Variants in PLEC observed in about 807,000 individuals in gnomAD.
The protein encoded by PLEC is hemidesmosomal protein 1.
PLEC carries 216 observed loss-of-function variants against 392.8 expected under a neutral mutation model. That is an observed-to-expected ratio of 0.55 (90% CI 0.49 to 0.62). The LOEUF is 0.62. PLEC is among the 20% of genes least tolerant of loss of function. The pLI, the probability that PLEC is intolerant of heterozygous loss-of-function variation, is 0.00. For synonymous variants in PLEC, 3,621 were observed against 2,980.6 expected, an observed-to-expected ratio of 1.21 and a Z score of -7.00; for missense variants, 6,863 against 6,563.4, an observed-to-expected ratio of 1.05 and a Z score of -1.58.
intron 1 of PLEC, among the ~76,000 whole-genome samples, chr8:143,959,436 T>TA (rs1832760127): frequency 6.6e-6 from 1 of 152,242 alleles, no homozygotes; most frequent in Non-Finnish European, 1.5e-5. Flanking sequence ...GGCTCCAGGA[T>TA]GGCTCCAGGA....
rs183111586 is a variant in PLEC, at chr8:143,939,404, T to C, written c.58A>G (p.Ser20Gly). 776 of 1,612,790 alleles carry C rather than the reference T, an allele frequency of 4.8e-4. 10 individuals carry two copies. The African/African-American group carries it at 9.6e-3, about 20-fold the overall frequency. The part of the protein sequence containing the change: ...QPEGLGRKRT[S>G]SEDNLYLAVL... ...GCCAGGTACAGGTTGTCCTCCGAGC[T>C]GGTTCTCTTTCGGCCCAGGCCCTCG... Residue 20 changes from serine to glycine, a missense_variant, in exon 1 of 32, where the codon AGC becomes GGC. Transcript: ENST00000345136.
upstream of PLEC, chr8:143,953,936 G>A: frequency 1.4e-6 from 2 of 1,398,928 alleles, no homozygotes; most frequent in Non-Finnish European, 1.8e-6. Flanking sequence ...GGACAGGGCC[G>A]CCCCGGGCGC....
intron 1 of PLEC, among the ~76,000 whole-genome samples, chr8:143,946,971 A>G (rs1226414287): frequency 6.6e-6 from 1 of 151,964 alleles, no homozygotes; most frequent in Non-Finnish European, 1.5e-5. Flanking sequence ...TCCCCTCTCC[A>G]TACCTCTCCA....
intron 19 of PLEC, among the ~76,000 whole-genome samples, chr8:143,931,275 C>A (rs1029783791): frequency 1.3e-5 from 2 of 152,060 alleles, no homozygotes; most frequent in South Asian, 2.1e-4. Flanking sequence ...CTGCCTCATT[C>A]CCCCCTTGGC....
At chr8:143,975,328 A>G (rs1833622833), upstream of PLEC, 1 of 1,611,478 alleles carries the variant, frequency 6.2e-7, no homozygotes, top group African/African-American at 1.3e-5. This position sits in a 1 kb window ranked among gnomAD's most constrained non-coding sequence, Gnocchi z 9.9. Flanking sequence ...CATTGGAGAC[A>G]TCTTCAGAGA....
Position 143,916,842 on chromosome 8 carries a change from C to A in PLEC, c.12979G>T (p.Gly4327Cys). 3.1e-6 allele frequency: 5 copies of A among 1,612,618 alleles called. No individual in the cohort carries two copies. The highest frequency in any genetic ancestry group is 3.4e-6 in the Non-Finnish European group (4 of 1,179,868). Residue 4327 changes from glycine to cysteine, a missense_variant, in exon 32 of 32, where the codon GGT becomes TGT. Physicochemically the swap from Gly to Cys is radical, Grantham distance 159 (BLOSUM62 -3). Coordinates refer to ENST00000345136, the MANE Select transcript of PLEC (RefSeq NM_201384.3). ...CTGGIIDPST[G>C]ERFPVTDAVN... ...GCGTCGGTGACAGGGAAGCGCTCAC[C>A]GGTGCTGGGGTCGATGATGCCCCCG...
intron 1 of PLEC, among the ~76,000 whole-genome samples, chr8:143,971,324 G>A (rs1833418424): frequency 1.3e-5 from 2 of 152,092 alleles, no homozygotes; most frequent in Non-Finnish European, 1.5e-5. Context: ...TGGCCTCCCT[G>A]CCCTCCTCAG....
chr8:143,925,407 G>C lies in PLEC; in HGVS notation c.4522C>G (p.Gln1508Glu), dbSNP rs1564061215. The C allele has an allele frequency of 6.3e-7, 1 of 1,591,286 alleles. No individual in the cohort carries two copies. The highest frequency in any genetic ancestry group is 8.5e-7 in the Non-Finnish European group (1 of 1,176,130). ...RLRRQVQDES[Q>E]RKRQAEVELA... is the part of the protein sequence containing the mutation. ...TCCACCTCCGCCTGCCGCTTACGCT[G>C]GCTCTCGTCCTGCACCTGCCTCCGC... The change falls in exon 31 of 32, where the codon CAG becomes GAG. Residue 1508 changes from glutamine to glutamate, a missense_variant. Transcript: ENST00000345136.
chr8:143,966,898 C>G (rs1833127091), intron 1 of PLEC, among the ~76,000 whole-genome samples: 1 of 152,102 alleles, frequency 6.6e-6, no homozygotes, highest in African/African-American at 2.4e-5. Flanking sequence ...GACCTCAGCC[C>G]CAAGCAAATT....
exon 1 of PLEC, chr8:143,950,206 G>A (rs782795510): frequency 1.8e-5 from 27 of 1,541,746 alleles, no homozygotes; most frequent in Non-Finnish European, 1.9e-5. Context: ...CAGGCTCCGG[G>A]CCTGGCCTGG....
upstream of PLEC, among the ~76,000 whole-genome samples, chr8:143,941,797 G>A (rs1256184600): frequency 6.6e-6 from 1 of 151,220 alleles, no homozygotes; most frequent in African/African-American, 2.4e-5. Flanking sequence ...CACCTGGGAC[G>A]CACCCAGAAC....
intron 1 of PLEC, among the ~76,000 whole-genome samples, chr8:143,967,851 G>A (rs1554742789): frequency 2.0e-5 from 3 of 152,088 alleles, no homozygotes; most frequent in Non-Finnish European, 4.4e-5. Flanking sequence ...AAGAATTCAG[G>A]CCAGGCGCGG....
intron 1 of PLEC, chr8:143,946,391 A>G: frequency 7.8e-7 from 1 of 1,288,594 alleles, no homozygotes; most frequent in South Asian, 1.2e-5. Context: ...GTACCTGTCC[A>G]TGGCTGCCAC....
At position 143,922,450 on chromosome 8, in the gene PLEC, C is replaced by A. The variant is rs1271139525; in HGVS notation, c.7425+54G>T. ...CGCCAGCCCAGGAGCACCCATCACC[C>A]ACCAAAGCAGATCCCCGGGCCCACC... On this transcript the variant is annotated intron_variant, in intron 31 of 31. Coordinates refer to ENST00000345136, the MANE Select transcript of PLEC (RefSeq NM_201384.3). 3.7e-6 allele frequency: 6 copies of A among 1,601,114 alleles called. No individual in the cohort carries two copies. In the South Asian group the frequency reaches 5.5e-5, roughly 15 times the overall value.
chr8:143,931,402 C>T lies in PLEC; in HGVS notation c.2304+132G>A, dbSNP rs1185973246. 10 of 811,900 alleles carry T rather than the reference C, an allele frequency of 1.2e-5. 2 individuals are homozygous for T. Among genetic ancestry groups the T allele is most frequent in the Non-Finnish European group, 1.6e-5 (8 of 497,314 alleles). The allele number at this position is 811,900 out of a possible 1,614,324, so 50.3% of individuals were successfully genotyped here. On this transcript the variant is annotated intron_variant, in intron 19 of 31. Transcript: ENST00000345136. The stretch of plus-strand genomic sequence containing the variant: ...CCTGCCTCATTCCCGCTTCGGCTGA[C>T]CTCTACACCTCCCATGGTGCCTCCC...
chr8:143,918,514 G>A lies in PLEC; in HGVS notation c.11307C>T (p.Thr3769=), dbSNP rs563846739. 126 of 1,606,384 alleles carry A rather than the reference G, an allele frequency of 7.8e-5. 1 individual carries two copies. The highest frequency in any genetic ancestry group is 6.2e-4 in the South Asian group (56 of 90,592). The change falls in exon 32 of 32, where the codon ACC becomes ACT. Residue 3769 remains threonine (T), a synonymous_variant. Transcript: ENST00000345136. ...DRLLSAERAV[T]GYRDPYTEQT... ...GCTCGGTGTAGGGGTCACGGTAGCCGGTGACCGCCCGCTCAGCCGAGAGCA... is the reference window on the plus strand; with the variant it reads ...GCTCGGTGTAGGGGTCACGGTAGCCAGTGACCGCCCGCTCAGCCGAGAGCA...
chr8:143,916,095 C>T lies in PLEC; in HGVS notation c.*82G>A. 1 of 940,424 alleles carries T rather than the reference C, an allele frequency of 1.1e-6. No homozygotes were observed. Among genetic ancestry groups the T allele is most frequent in the Non-Finnish European group, 1.5e-6 (1 of 648,876 alleles). The allele number at this position is 940,424 out of a possible 1,614,324, so 58.3% of individuals were successfully genotyped here. A position where few individuals can be genotyped will look rare whatever the true frequency, so the allele number is the denominator to read the frequency against. On this transcript the variant is annotated 3_prime_UTR_variant, in exon 32 of 32. Coordinates refer to ENST00000345136, the MANE Select transcript of PLEC (RefSeq NM_201384.3). The stretch of plus-strand genomic sequence containing the variant: ...TTAGGCACCACTTGGGAGGAAGACA[C>T]CTTTAAGCGTTGAAAACGGCCCCCG...
At chr8:143,944,100 C>G, upstream of PLEC, 1 of 648,994 alleles carries the variant, frequency 1.5e-6, no homozygotes, top group Non-Finnish European at 2.6e-6. Flanking sequence ...GTCCGGCCCT[C>G]GGCGCCTCCC....
At position 143,927,490 on chromosome 8, in the gene PLEC, C is replaced by A. The variant is rs782539707; in HGVS notation, c.3676G>T (p.Ala1226Ser). The part of the protein sequence containing the change: ...ADPLGAWLQD[A>S]RRRQEQIQAM... ...TGGATCTGCTCCTGCCGCCGCCTGG[C>A]GTCCTGCAGCCAGGCGCCCAAGGGG... The change falls in exon 27 of 32, where the codon GCC becomes TCC. Residue 1226 changes from alanine to serine, a missense_variant. Transcript: ENST00000345136. The A allele has an allele frequency of 3.1e-6, 5 of 1,596,734 alleles. No homozygotes were observed. The highest frequency in any genetic ancestry group is 1.3e-5 in the African/African-American group (1 of 74,852).
Sources: allele counts gnomAD v4.1 joint callset (sites outside exome capture counted in the v4.1 genomes callset), GRCh38; gene constraint gnomAD v4.1.1; non-coding constraint Gnocchi (gnomAD v3.1); transcripts MANE v1.5; gene names NCBI Gene and HGNC (gene_info 2026-07-23, HGNC 2026-07-21).